Variants in DEUP1 observed in about 807,000 individuals in gnomAD.
DEUP1 encodes the protein deuterosome assembly protein 1, also known as coiled-coil domain containing 67.
In DEUP1, 82 loss-of-function variants were observed where a neutral mutation model predicts 87.4. The observed-to-expected ratio is 0.94, with a 90% confidence interval of 0.78 to 1.13. The LOEUF is 1.13. Among genes scored for constraint, DEUP1 ranks in the 50% most tolerant of loss-of-function variants. DEUP1 has a pLI of 0.00. For synonymous variants in DEUP1, 214 were observed against 222.7 expected, an observed-to-expected ratio of 0.96 and a Z score of 0.35; for missense variants, 663 against 681.5, an observed-to-expected ratio of 0.97 and a Z score of 0.30.
At chr11:93,418,019 C>T (rs956433732) in intron 13 of DEUP1, among the ~76,000 whole-genome samples, 1 of 151,872 alleles carries the variant, frequency 6.6e-6, no homozygotes, top group African/African-American at 2.4e-5. Flanking sequence ...ATACCTTATA[C>T]AAAAATCAAT....
intron 5 of DEUP1, among the ~76,000 whole-genome samples, chr11:93,369,604 C>T (rs929920554): frequency 1.3e-5 from 2 of 152,068 alleles, no homozygotes; most frequent in African/African-American, 4.8e-5. Flanking sequence ...TGATTTGACA[C>T]CTTTTCTTTT....
At chr11:93,337,999 A>T (rs566708420) in intron 2 of DEUP1, among the ~76,000 whole-genome samples, 5 of 152,294 alleles carry the variant, frequency 3.3e-5, no homozygotes, top group African/African-American at 9.6e-5. Context: ...GCTTAGTTGT[A>T]TGGCACCTTG....
At chr11:93,358,286 T>C (rs1944992934) in intron 4 of DEUP1, among the ~76,000 whole-genome samples, 1 of 152,234 alleles carries the variant, frequency 6.6e-6, no homozygotes, top group Non-Finnish European at 1.5e-5. Flanking sequence ...ATATGAATCC[T>C]TGCCATTTGA....
intron 13 of DEUP1, among the ~76,000 whole-genome samples, chr11:93,433,946 G>A (rs768371362): frequency 2.0e-5 from 3 of 152,184 alleles, no homozygotes; most frequent in Non-Finnish European, 4.4e-5. Context: ...TAGCAAATGG[G>A]CAGAGGAGGG....
At chr11:93,368,807 G>A (rs1158923206) in intron 5 of DEUP1, among the ~76,000 whole-genome samples, 5 of 152,014 alleles carry the variant, frequency 3.3e-5, no homozygotes, top group African/African-American at 4.8e-5. Flanking sequence ...GTAGTGGCAC[G>A]TGACTGTAAT....
chr11:93,415,247 G>C, intron 13 of DEUP1, 133 bp downstream of exon 13: 1 of 500,664 alleles, frequency 2.0e-6, no homozygotes, highest in Non-Finnish European at 3.6e-6. Context: ...CTCCAAGATG[G>C]GTCTGCGAGC....
chr11:93,374,087 G>A (rs1290569051), intron 7 of DEUP1, among the ~76,000 whole-genome samples: 1 of 152,010 alleles, frequency 6.6e-6, no homozygotes, highest in Non-Finnish European at 1.5e-5. Flanking sequence ...ATCTTCTTTT[G>A]AGAATTGTCA....
chr11:93,356,961 G>A lies in DEUP1; in HGVS notation c.215G>A (p.Arg72Gln), dbSNP rs201772678. ...DQKGQEVGLL[R>Q]QKLDSLEKCN... ...TTCTTCATGCAGGTAGGGTTACTTCGACAGAAATTGGACAGTCTGGAAAAA... is the reference window on the plus strand; with the variant it reads ...TTCTTCATGCAGGTAGGGTTACTTCAACAGAAATTGGACAGTCTGGAAAAA... Residue 72 changes from arginine to glutamine, a missense_variant, in exon 4 of 14, where the codon CGA becomes CAA. Physicochemically the swap from Arg to Gln is conservative, Grantham distance 43 (BLOSUM62 1). Transcript: ENST00000298050. 65 of 1,595,566 alleles carry A rather than the reference G, an allele frequency of 4.1e-5. No individual in the cohort carries two copies. Among genetic ancestry groups the A allele is most frequent in the Non-Finnish European group, 4.8e-5 (56 of 1,172,178 alleles).
At chr11:93,429,219 G>A (rs1948030358) in intron 13 of DEUP1, among the ~76,000 whole-genome samples, 1 of 152,126 alleles carries the variant, frequency 6.6e-6, no homozygotes, top group South Asian at 2.1e-4. Flanking sequence ...ATTAGCTTTT[G>A]AAGTATTAGA....
intron 7 of DEUP1, among the ~76,000 whole-genome samples, chr11:93,374,952 T>C (rs1379827261): frequency 1.3e-5 from 2 of 152,142 alleles, no homozygotes; most frequent in Non-Finnish European, 2.9e-5. Context: ...TGTGATTTTT[T>C]TCAGCTGCGT....
chr11:93,412,899 G>C (rs1591247756), intron 12 of DEUP1, among the ~76,000 whole-genome samples: 1 of 151,958 alleles, frequency 6.6e-6, no homozygotes, highest in Non-Finnish European at 1.5e-5. Context: ...ATTATAGTTT[G>C]GGAGAATGAG....
chr11:93,396,314 G>A lies in DEUP1; in HGVS notation c.1315G>A (p.Gly439Arg), dbSNP rs547638617. 182 of 1,561,030 alleles carry A rather than the reference G, an allele frequency of 1.2e-4. No homozygotes were observed. In the South Asian group the frequency reaches 1.5e-3, roughly 13 times the overall value. ...AGGAATGATGGGAGATTTAGACCCC[G>A]GAGAATACATGGTAATATGCTGACA... Reference protein sequence around the residue: ...LKGMMGDLDPGEYMSMDFTNR... With the variant: ...LKGMMGDLDPREYMSMDFTNR... The change falls in exon 11 of 14, where the codon GGA becomes AGA. Residue 439 changes from glycine (G) to arginine (R), a missense_variant. Gly to Arg is a moderately radical substitution (Grantham distance 125). Coordinates refer to ENST00000298050, the MANE Select transcript of DEUP1 (RefSeq NM_181645.4).
rs756803433 is a variant in DEUP1, at chr11:93,437,724, T to C, written c.*5T>C. On this transcript the variant is annotated 3_prime_UTR_variant, in exon 14 of 14. Transcript: ENST00000298050. ...AAACAAAATAGACACATATGAGCTT[T>C]TAAACTTTTTTATTTGCTTCCCCCC... 1.5e-5 allele frequency: 23 copies of C among 1,543,848 alleles called. No individual in the cohort carries two copies. The highest frequency in any genetic ancestry group is 2.0e-5 in the Non-Finnish European group (23 of 1,128,942).
chr11:93,426,994 T>TAAAAAA (rs1157644297), intron 13 of DEUP1, among the ~76,000 whole-genome samples: 16 of 2,902 alleles, frequency 5.5e-3, no homozygotes, highest in Non-Finnish European at 6.6e-3. Flanking sequence ...TAGAGTATAA[T>TAAAAAA]AAAAAAAAAA....
Position 93,408,211 on chromosome 11 carries a change from T to G in DEUP1, c.1327-20T>G. 6.7e-7 allele frequency: 1 copy of G among 1,484,656 alleles called. No individual in the cohort carries two copies. The highest frequency in any genetic ancestry group is 9.0e-7 in the Non-Finnish European group (1 of 1,108,814). 92.0% of individuals were successfully genotyped at this position (1,484,656 alleles called of 1,614,324 possible). A position where few individuals can be genotyped will look rare whatever the true frequency, so the allele number is the denominator to read the frequency against. On this transcript the variant is annotated intron_variant, in intron 11 of 13. Coordinates refer to ENST00000298050, the MANE Select transcript of DEUP1 (RefSeq NM_181645.4). ...TTATAAGGGGCAGTTTATTCAATGA[T>G]AGTTTATTTTATTCTCTAGAGTATG...
Position 93,367,512 on chromosome 11 carries a change from C to G in DEUP1, c.433-2561C>G, listed in dbSNP as rs374161701. On this transcript the variant is annotated intron_variant, in intron 5 of 13. Coordinates refer to ENST00000298050, the MANE Select transcript of DEUP1 (RefSeq NM_181645.4). Reference sequence around the variant, plus strand: ...GATAATCATAAAATCCTCTGCATGGCTTTTATGTGTCAGCATTATTGTACT... The same window carrying G: ...GATAATCATAAAATCCTCTGCATGGGTTTTATGTGTCAGCATTATTGTACT... 1.7e-4 allele frequency among the ~76,000 whole-genome samples: 26 copies of G among 152,188 alleles called. No individual in the cohort carries two copies. In the East Asian group the frequency reaches 2.3e-3, roughly 14 times the overall value.
intron 9 of DEUP1, among the ~76,000 whole-genome samples, chr11:93,392,981 G>C (rs1044571815): frequency 4.3e-5 from 5 of 116,766 alleles, no homozygotes; most frequent in Non-Finnish European, 7.0e-5. Flanking sequence ...CTCCTCCTCC[G>C]AGCCCTCCTC....
chr11:93,414,939 A>G, intron 12 of DEUP1, 61 bp from the exon 13 acceptor site: 1 of 915,906 alleles, frequency 1.1e-6, no homozygotes, highest in Non-Finnish European at 1.6e-6. Flanking sequence ...TAAAATCCTT[A>G]GCTACATAAA....
At chr11:93,334,083 T>C (rs1219411718) in intron 2 of DEUP1, among the ~76,000 whole-genome samples, 1 of 152,168 alleles carries the variant, frequency 6.6e-6, no homozygotes, top group African/African-American at 2.4e-5. Context: ...CCCAAGTTAA[T>C]GAGAGTTTTT....
Sources: gnomAD v4.1 joint callset for allele counts (sites outside exome capture counted in the v4.1 genomes callset) on GRCh38, gnomAD v4.1.1 for gene constraint, MANE v1.5 for transcripts, NCBI Gene and HGNC (gene_info 2026-07-23, HGNC 2026-07-21) for gene names.